The following ECI2 variants were observed in gnomAD, a reference collection of about 807,000 sequenced individuals.
The protein encoded by ECI2 is enoyl-CoA delta isomerase 2.
In ECI2, 27 loss-of-function variants were observed where a neutral mutation model predicts 38.4. The observed-to-expected ratio is 0.70, with a 90% CI of 0.52 to 0.97. ECI2 has a LOEUF of 0.97. Ranked by LOEUF, ECI2 falls within the 50% of genes least tolerant of loss-of-function variation. ECI2 has a pLI of 0.00. For synonymous variants in ECI2, 168 were observed against 172.0 expected (o/e 0.98, Z 0.18); for missense variants, 470 against 474.4 (o/e 0.99, Z 0.09).
At chr6:4,135,303 C>A in intron 1 of ECI2, 1 of 1,415,364 alleles carries the variant, frequency 7.1e-7, no homozygotes, top group Non-Finnish European at 9.4e-7. Context: ...CCGACGCGCC[C>A]ATCCTGACCA....
chr6:4,127,872 C>T (rs370966828), intron 4 of ECI2, 41 bp from the exon 5 acceptor site: 3 of 1,572,254 alleles, frequency 1.9e-6, no homozygotes, highest in East Asian at 4.5e-5. Flanking sequence ...GAACTCTGAA[C>T]ACAGGAATCA....
intron 7 of ECI2, chr6:4,122,098 G>C: frequency 1.7e-6 from 2 of 1,154,702 alleles, no homozygotes; most frequent in Non-Finnish European, 2.5e-6. Flanking sequence ...TTTTCAGAAA[G>C]AGAGCAGCAG....
intron 4 of ECI2, chr6:4,129,992 C>T: frequency 1.2e-6 from 1 of 855,430 alleles, no homozygotes; most frequent in South Asian, 1.7e-5. Flanking sequence ...AAATGAAGCC[C>T]CCGTGCAAGC....
intron 6 of ECI2, chr6:4,125,795 C>A (rs746504541): frequency 1.1e-5 from 5 of 435,936 alleles, no homozygotes; most frequent in Non-Finnish European, 1.7e-5. Flanking sequence ...GAGTCTCCTA[C>A]CTTCAGCGTT....
Position 4,125,353 on chromosome 6 carries a change from A to G in ECI2, c.692T>C (p.Phe231Ser), listed in dbSNP as rs935924883. ...AVLLREFVGC[F>S]IDFPKPLIAV... ...AATCAGAGGCTTAGGAAAATCTATA[A>G]AACAGCCCACAAATTCCCTACAGAA... The change falls in exon 7 of 10, where the codon TTT becomes TCT. Residue 231 changes from phenylalanine (F) to serine (S), a missense_variant. Physicochemically the swap from Phe to Ser is radical, Grantham distance 155 (BLOSUM62 -2). Coordinates refer to ENST00000380118, the MANE Select transcript of ECI2 (RefSeq NM_206836.3). 45 of 1,614,060 alleles carry G rather than the reference A, an allele frequency of 2.8e-5. No individual in the cohort carries two copies. The highest frequency in any genetic ancestry group is 3.8e-5 in the Non-Finnish European group (45 of 1,180,044).
At chr6:4,133,168 A>G (rs1773572417) in intron 2 of ECI2, among the ~76,000 whole-genome samples, 1 of 152,176 alleles carries the variant, frequency 6.6e-6, no homozygotes, top group South Asian at 2.1e-4. Flanking sequence ...ATTTTCTTAT[A>G]TAACCTTGAC....
intron 7 of ECI2, among the ~76,000 whole-genome samples, chr6:4,120,339 T>A (rs1426417497): frequency 6.6e-6 from 1 of 152,244 alleles, no homozygotes; most frequent in Non-Finnish European, 1.5e-5. Context: ...TAATCCCTAC[T>A]GCTTCCAGGC....
chr6:4,130,939 A>G (rs1773478630), intron 2 of ECI2, 74 bp from the exon 3 acceptor site: 2 of 1,410,574 alleles, frequency 1.4e-6, no homozygotes, highest in Non-Finnish European at 2.0e-6. Flanking sequence ...GATCCATAAA[A>G]TCTGTAAGTA....
chr6:4,128,708 TAAC>T (rs1323670545), intron 4 of ECI2, among the ~76,000 whole-genome samples: 2 of 152,184 alleles, frequency 1.3e-5, no homozygotes, highest in Non-Finnish European at 2.9e-5. Context: ...CAATACAGTA[TAAC>T]AACAATTTAA....
rs77018101 is a variant in ECI2, at chr6:4,119,824, T to G, written c.796-549A>C. On this transcript the variant is annotated intron_variant, in intron 7 of 9. Coordinates refer to ENST00000380118, the MANE Select transcript of ECI2 (RefSeq NM_206836.3). The stretch of plus-strand genomic sequence containing the variant: ...GAACATTTCAGCCACCCTGAAAGGT[T>G]CCGGGGGCCCTTCTGTAGTCAGTCC... 9.1e-3 allele frequency among the ~76,000 whole-genome samples: 1,384 copies of G among 152,250 alleles called. 16 individuals carry two copies. Among genetic ancestry groups the G allele is most frequent in the African/African-American group, 0.032 (1,322 of 41,520 alleles).
rs763150806 is a variant in ECI2, at chr6:4,116,016, G to C, written c.1043C>G (p.Ser348Ter). 5.6e-5 allele frequency: 90 copies of C among 1,613,104 alleles called. No individual in the cohort carries two copies. The highest frequency in any genetic ancestry group is 7.4e-5 in the Non-Finnish European group (87 of 1,179,714). The stretch of plus-strand genomic sequence containing the variant: ...CTCTCTTTTCCTGATTACCTCTTTT[G>C]AAATTCTCAAGGCCTGGAAAAACAA... ...AKLPPNALRI[S>*]KEVIRKRERE... The change falls in exon 10 of 10, where the codon TCA becomes TGA. Residue 348 changes from serine (S) to a stop codon, truncating the protein, a stop_gained. Transcript: ENST00000380118. LOFTEE classifies it low-confidence loss of function (END_TRUNC).
At chr6:4,125,212 T>G (rs1234861297) in intron 7 of ECI2, 38 bp downstream of exon 7, 1 of 1,610,026 alleles carries the variant, frequency 6.2e-7, no homozygotes, top group Non-Finnish European at 8.5e-7. Flanking sequence ...CATCTCGCGC[T>G]GCTTGCCTGA....
At position 4,116,117 on chromosome 6, in the gene ECI2, G is replaced by A. The variant is rs555032480; in HGVS notation, c.1030-88C>T. The A allele has an allele frequency of 1.4e-5, 20 of 1,438,100 alleles. No homozygotes were observed. The East Asian group carries it at 2.1e-4, about 15-fold the overall frequency. 89.1% of individuals were successfully genotyped at this position (1,438,100 alleles called of 1,614,324 possible). ...TGTAATCCCAGCACTTGGGGAGGCC[G>A]AGGCGGGCAGATCAGTTGAGGTCAG... On this transcript the variant is annotated intron_variant, in intron 9 of 9. Coordinates refer to ENST00000380118, the MANE Select transcript of ECI2 (RefSeq NM_206836.3).
At chr6:4,131,352 A>G (rs1773501091) in intron 2 of ECI2, among the ~76,000 whole-genome samples, 1 of 152,204 alleles carries the variant, frequency 6.6e-6, no homozygotes, top group African/African-American at 2.4e-5. Flanking sequence ...GGGTGGGGCT[A>G]TCAGAGCTAC....
intron 6 of ECI2, chr6:4,125,772 A>G: frequency 2.4e-6 from 1 of 422,686 alleles, no homozygotes; most frequent in Non-Finnish European, 4.4e-6. Context: ...TCCTGTGTTT[A>G]CAAGACTCCT....
intron 1 of ECI2, 70 bp from the exon 2 acceptor site, chr6:4,133,781 T>C (rs571752878): frequency 2.0e-6 from 3 of 1,513,972 alleles, no homozygotes; most frequent in Non-Finnish European, 1.8e-6. Flanking sequence ...TTCTAATTGT[T>C]CCCAGCCTAT....
chr6:4,117,538 TGTACTCATG>T, intron 8 of ECI2, 87 bp from the exon 9 acceptor site: 2 of 1,524,430 alleles, frequency 1.3e-6, no homozygotes, highest in Non-Finnish European at 1.8e-6. Context: ...CTTAGAGAGA[TGTACTCATG>T]GTCTTTTGAG....
intron 7 of ECI2, among the ~76,000 whole-genome samples, chr6:4,121,702 T>C (rs1772777909): frequency 6.6e-6 from 1 of 151,786 alleles, no homozygotes; most frequent in Non-Finnish European, 1.5e-5. Flanking sequence ...AGTTTTTTTT[T>C]TTTTTACATT....
At chr6:4,116,491 A>G (rs1021674991) in intron 9 of ECI2, among the ~76,000 whole-genome samples, 16 of 149,190 alleles carry the variant, frequency 1.1e-4, no homozygotes, top group African/African-American at 4.0e-4. Flanking sequence ...CCCAGGCTGG[A>G]GTGCAGTGGT....
Sources: allele counts gnomAD v4.1 joint callset (sites outside exome capture counted in the v4.1 genomes callset), GRCh38; gene constraint gnomAD v4.1.1; transcripts MANE v1.5; gene names NCBI Gene and HGNC (gene_info 2026-07-23, HGNC 2026-07-21).